Variants in RALYL observed in about 807,000 individuals in gnomAD.
RALYL encodes RNA-binding Raly-like protein.
In RALYL, 29 loss-of-function variants were observed where a neutral mutation model predicts 35.1. The ratio of observed to expected loss-of-function variants is 0.83; its 90% CI spans 0.61 to 1.13. The LOEUF (loss-of-function observed/expected upper bound fraction) is 1.13. Ranked by LOEUF, RALYL falls within the 50% of genes most tolerant of loss-of-function variation. The pLI is 0.00. For synonymous variants in RALYL, 120 were observed against 127.6 expected (o/e 0.94, Z 0.40); for missense variants, 359 against 360.4 (o/e 1.00, Z 0.03).
At chr8:84,785,749 T>G (rs1819290020) in intron 3 of RALYL, among the ~76,000 whole-genome samples, 1 of 152,164 alleles carries the variant, frequency 6.6e-6, no homozygotes, top group Admixed American at 6.5e-5. Flanking sequence ...TAAGCAGTAA[T>G]GGGTATGGTG....
At chr8:84,910,587 G>A (rs1847340517) in intron 8 of RALYL, among the ~76,000 whole-genome samples, 1 of 151,920 alleles carries the variant, frequency 6.6e-6, no homozygotes, top group Non-Finnish European at 1.5e-5. Context: ...ATATATAAGA[G>A]ATAAGTATGA....
intron 1 of RALYL, among the ~76,000 whole-genome samples, chr8:84,275,811 C>A (rs1443957196): frequency 6.6e-6 from 1 of 152,062 alleles, no homozygotes; most frequent in African/African-American, 2.4e-5. Flanking sequence ...AATAGCCAAT[C>A]TAGTCAGTAT....
intron 2 of RALYL, among the ~76,000 whole-genome samples, chr8:84,729,618 G>C (rs968638971): frequency 6.6e-6 from 1 of 152,010 alleles, no homozygotes; most frequent in African/African-American, 2.4e-5. Flanking sequence ...AAGGATCAAT[G>C]AAATTGTTAG....
At chr8:84,425,648 C>T (rs549772886) in intron 1 of RALYL, among the ~76,000 whole-genome samples, 4 of 152,296 alleles carry the variant, frequency 2.6e-5, no homozygotes, top group East Asian at 3.9e-4. Context: ...ACTTTTCTCT[C>T]CAGCTAATTA....
At chr8:84,741,661 A>G (rs1380871352) in intron 2 of RALYL, among the ~76,000 whole-genome samples, 1 of 151,992 alleles carries the variant, frequency 6.6e-6, no homozygotes, top group Admixed American at 6.6e-5. Flanking sequence ...ATACTATCAC[A>G]TTGGGTCTTA....
intron 2 of RALYL, among the ~76,000 whole-genome samples, chr8:84,720,473 T>G (rs74792941): frequency 0.017 from 2,527 of 152,200 alleles, 79 homozygotes; most frequent in African/African-American, 0.057. Context: ...AAACTAGACC[T>G]CTATCCCTCA....
At chr8:84,354,937 T>C (rs1851545535) in intron 1 of RALYL, among the ~76,000 whole-genome samples, 1 of 150,368 alleles carries the variant, frequency 6.7e-6, no homozygotes, top group Non-Finnish European at 1.5e-5. Flanking sequence ...AGCTTTGTAA[T>C]GAATCCTGCA....
At chr8:84,910,349 A>G (rs983359911) in intron 8 of RALYL, among the ~76,000 whole-genome samples, 4 of 152,168 alleles carry the variant, frequency 2.6e-5, no homozygotes, top group Non-Finnish European at 4.4e-5. Flanking sequence ...TCTGTTAGTC[A>G]TACTATCAAA....
chr8:84,222,988 T>A (rs1250211122), intron 1 of RALYL, among the ~76,000 whole-genome samples: 1 of 152,122 alleles, frequency 6.6e-6, no homozygotes, highest in Non-Finnish European at 1.5e-5. Context: ...ATTTAGAGAA[T>A]ATGGTGTCTT....
intron 1 of RALYL, among the ~76,000 whole-genome samples, chr8:84,261,067 T>G (rs1032803580): frequency 1.3e-5 from 2 of 151,784 alleles, no homozygotes; most frequent in African/African-American, 2.4e-5. Context: ...AAATATGGTT[T>G]GTCCCACTAA....
intron 6 of RALYL, among the ~76,000 whole-genome samples, chr8:84,870,484 T>A (rs1284823808): frequency 6.6e-6 from 1 of 151,786 alleles, no homozygotes; most frequent in Admixed American, 6.6e-5. Context: ...TTTGACAAGT[T>A]TTTTTTGTGG....
intron 1 of RALYL, among the ~76,000 whole-genome samples, chr8:84,399,987 C>A (rs965643893): frequency 6.6e-6 from 1 of 152,148 alleles, no homozygotes; most frequent in Non-Finnish European, 1.5e-5. Context: ...CATGGCGGCA[C>A]ATGCCTGTAA....
chr8:84,529,019 A>C (rs1166871239), intron 1 of RALYL, among the ~76,000 whole-genome samples: 1 of 152,228 alleles, frequency 6.6e-6, no homozygotes, highest in African/African-American at 2.4e-5. Flanking sequence ...TTAGACTTAA[A>C]TATAAAAACA....
chr8:84,243,644 A>G lies in RALYL; in HGVS notation c.-24+59220A>G, dbSNP rs1250500241. The stretch of plus-strand genomic sequence containing the variant: ...AAACAGCAGAGTTAAATATGTAGAC[A>G]TCAGTTAATTACTCACTTTCCCACC... On this transcript the variant is annotated intron_variant, in intron 1 of 8. Transcript: ENST00000521268. Among the ~76,000 whole-genome samples the G allele has an allele frequency of 2.6e-5, 4 of 152,120 alleles. No individual in the cohort carries two copies. In the East Asian group the frequency reaches 7.8e-4, roughly 30 times the overall value.
chr8:84,660,431 CT>C (rs1199230844), intron 2 of RALYL, among the ~76,000 whole-genome samples: 1 of 151,866 alleles, frequency 6.6e-6, no homozygotes, highest in East Asian at 1.9e-4. Flanking sequence ...CCCCCTCTGT[CT>C]CATTAGAGGT....
At chr8:84,544,753 A>G (rs1213831439) in intron 2 of RALYL, among the ~76,000 whole-genome samples, 4 of 152,018 alleles carry the variant, frequency 2.6e-5, no homozygotes, top group African/African-American at 9.7e-5. Context: ...TCAACTTCAC[A>G]TTTTATCATG....
At chr8:84,236,093 T>C (rs1364590973) in intron 1 of RALYL, among the ~76,000 whole-genome samples, 2 of 152,294 alleles carry the variant, frequency 1.3e-5, no homozygotes, top group East Asian at 3.9e-4. Flanking sequence ...TGGCTGTGTT[T>C]CATTTTTATT....
rs1397515437 is a variant in RALYL, at chr8:84,686,739, CAT to C, written c.257-87837_257-87836del. Among the ~76,000 whole-genome samples, 3 of 152,006 alleles carry C rather than the reference CAT, an allele frequency of 2.0e-5. No individual in the cohort carries two copies. In the East Asian group the frequency reaches 5.8e-4, roughly 29 times the overall value. On this transcript the variant is annotated intron_variant, in intron 2 of 8. Transcript: ENST00000521268. ...TAATGTTTTTAAAAGTTTTATCAAA[CAT>C]ATTTTCATCATCATAAGTGTTGTAA...
chr8:84,364,843 G>A (rs944422591), intron 1 of RALYL, among the ~76,000 whole-genome samples: 2 of 152,088 alleles, frequency 1.3e-5, no homozygotes, highest in African/African-American at 4.8e-5. Flanking sequence ...CACAAAATTA[G>A]TTGAACACAT....
Sources: gnomAD v4.1 joint callset for allele counts (sites outside exome capture counted in the v4.1 genomes callset) on GRCh38, gnomAD v4.1.1 for gene constraint, MANE v1.5 for transcripts, NCBI Gene and HGNC (gene_info 2026-07-23, HGNC 2026-07-21) for gene names.